The following SDK1 variants were observed in gnomAD, a reference collection of about 807,000 sequenced individuals.
The protein encoded by SDK1 is protein sidekick-1.
In SDK1, 157 loss-of-function variants were observed where a neutral mutation model predicts 245.5. The observed-to-expected ratio is 0.64, with a 90% CI of 0.56 to 0.73. The LOEUF is 0.73. SDK1 is among the 30% of genes least tolerant of loss of function. The probability of loss-of-function intolerance (pLI) is 0.00; values close to 1 mark genes in which losing one functional copy is unlikely to be tolerated. For missense variants in SDK1, 3,583 were observed against 3,002.3 expected, an observed-to-expected ratio of 1.19 and a Z score of -4.52; for synonymous variants, 1,647 against 1,278.5, an observed-to-expected ratio of 1.29 and a Z score of -6.15.
At chr7:4,007,712 C>T (rs1340042480) in intron 14 of SDK1, among the ~76,000 whole-genome samples, 1 of 152,114 alleles carries the variant, frequency 6.6e-6, no homozygotes, top group Non-Finnish European at 1.5e-5. Context: ...TTCAGCAATT[C>T]TCTGTCTCAG....
chr7:3,424,499 A>G (rs992901395), intron 1 of SDK1, among the ~76,000 whole-genome samples: 4 of 152,214 alleles, frequency 2.6e-5, no homozygotes, highest in African/African-American at 9.7e-5. Flanking sequence ...TTTTGGGAAG[A>G]AAAATGAGAA....
chr7:4,078,099 G>A (rs895748019), intron 21 of SDK1, among the ~76,000 whole-genome samples: 2 of 152,210 alleles, frequency 1.3e-5, no homozygotes. Flanking sequence ...ACAGAGTGGA[G>A]TGTTAGAGGG....
chr7:3,779,129 T>C (rs188703383), intron 4 of SDK1, among the ~76,000 whole-genome samples: 23 of 152,348 alleles, frequency 1.5e-4, no homozygotes, highest in African/African-American at 5.5e-4. Context: ...ATTATATTAT[T>C]TTAAATTGAT....
chr7:3,952,013 C>A, intron 7 of SDK1, 93 bp downstream of exon 7: 1 of 1,219,644 alleles, frequency 8.2e-7, no homozygotes, highest in Non-Finnish European at 1.1e-6. Flanking sequence ...ATTTCAGTGG[C>A]TTTATTTGTA....
At chr7:3,309,451 C>T (rs975225861) in intron 1 of SDK1, among the ~76,000 whole-genome samples, 5 of 148,560 alleles carry the variant, frequency 3.4e-5, no homozygotes, top group South Asian at 2.1e-4. Context: ...AAGAGCAAGG[C>T]GAGTTTATAA....
chr7:3,705,085 CTG>C (rs1784846863), intron 4 of SDK1, among the ~76,000 whole-genome samples: 2 of 152,096 alleles, frequency 1.3e-5, no homozygotes, highest in Admixed American at 1.3e-4. Context: ...GTTTTGGTAA[CTG>C]TAGTTTTGTA....
chr7:3,409,480 C>T (rs1779142945), intron 1 of SDK1, among the ~76,000 whole-genome samples: 1 of 152,112 alleles, frequency 6.6e-6, no homozygotes, highest in African/African-American at 2.4e-5. Context: ...TGAAGTGTTA[C>T]TGCTTCTATT....
intron 26 of SDK1, among the ~76,000 whole-genome samples, chr7:4,128,481 G>A (rs1024106959): frequency 5.3e-5 from 8 of 152,248 alleles, no homozygotes; most frequent in Admixed American, 2.6e-4. Flanking sequence ...CCAGGTCCCC[G>A]ATCTCAGGGA....
intron 40 of SDK1, among the ~76,000 whole-genome samples, chr7:4,222,634 C>A (rs959624980): frequency 6.6e-6 from 1 of 152,156 alleles, no homozygotes; most frequent in African/African-American, 2.4e-5. Flanking sequence ...AGTGCAGAAG[C>A]GTGAAAAAGC....
chr7:3,665,691 T>C lies in SDK1; in HGVS notation c.713+23586T>C, dbSNP rs1783508932. ...TTCGTGGTGACTGCAGGACATGTCG[T>C]GCCATTCATTGAGCATTGGTGCTTT... On this transcript the variant is annotated intron_variant, in intron 4 of 44. Coordinates refer to ENST00000404826, the MANE Select transcript of SDK1 (RefSeq NM_152744.4). 2.0e-5 allele frequency among the ~76,000 whole-genome samples: 3 copies of C among 152,200 alleles called. No homozygotes were observed. In the South Asian group the frequency reaches 6.2e-4, roughly 31 times the overall value.
intron 22 of SDK1, among the ~76,000 whole-genome samples, chr7:4,097,052 G>A (rs1782195557): frequency 6.6e-6 from 1 of 152,236 alleles, no homozygotes. Context: ...TTTCCCGGTA[G>A]AAACTGACTT....
At chr7:3,495,792 C>T (rs189360581) in intron 1 of SDK1, among the ~76,000 whole-genome samples, 34 of 152,380 alleles carry the variant, frequency 2.2e-4, no homozygotes, top group Non-Finnish European at 4.9e-4. Context: ...TCTACCACAG[C>T]TCTCTGCCTT....
At chr7:3,642,896 C>T (rs984069047) in intron 4 of SDK1, 10 of 152,196 alleles carry the variant, frequency 6.6e-5, no homozygotes, top group African/African-American at 2.2e-4. Context: ...GATATTTATG[C>T]CATCCAGTGG....
At chr7:4,199,093 G>A (rs575600327) in intron 35 of SDK1, among the ~76,000 whole-genome samples, 102 of 152,204 alleles carry the variant, frequency 6.7e-4, no homozygotes, top group Non-Finnish European at 1.4e-3. Context: ...GGGATTACAG[G>A]TGTGAGCCAG....
At chr7:3,925,508 T>C (rs1233780697) in intron 5 of SDK1, among the ~76,000 whole-genome samples, 2 of 152,166 alleles carry the variant, frequency 1.3e-5, no homozygotes, top group Admixed American at 1.3e-4. Flanking sequence ...ACTAAGCAGT[T>C]TTAATCCAGA....
At chr7:3,635,610 A>G (rs937767388) in intron 2 of SDK1, among the ~76,000 whole-genome samples, 5 of 152,258 alleles carry the variant, frequency 3.3e-5, no homozygotes, top group Non-Finnish European at 5.9e-5. Context: ...ATTGTGGACA[A>G]GTATTACTGG....
rs949596737 is a variant in SDK1, at chr7:3,397,077, A to G, written c.298+95193A>G. On this transcript the variant is annotated intron_variant, in intron 1 of 44. Coordinates refer to ENST00000404826, the MANE Select transcript of SDK1 (RefSeq NM_152744.4). ...TAACAAATAACTTAAAATTCAGTTC[A>G]GGTTAATCCTGGCATAATTTCAAAC... Among the ~76,000 whole-genome samples, 5 of 151,958 alleles carry G rather than the reference A, an allele frequency of 3.3e-5. No individual in the cohort carries two copies. In the South Asian group the frequency reaches 1.0e-3, roughly 32 times the overall value.
At chr7:4,237,199 T>C (rs935068397) in intron 41 of SDK1, among the ~76,000 whole-genome samples, 2 of 152,042 alleles carry the variant, frequency 1.3e-5, no homozygotes, top group African/African-American at 2.4e-5. Context: ...GCTGTTTTTT[T>C]GTTTTGTTTT....
chr7:4,145,491 C>T (rs1449188814), intron 28 of SDK1, among the ~76,000 whole-genome samples: 2 of 152,108 alleles, frequency 1.3e-5, no homozygotes, highest in African/African-American at 4.8e-5. Context: ...CGTGTTCACA[C>T]CTTGTTCTGG....
Sources: allele counts gnomAD v4.1 joint callset (sites outside exome capture counted in the v4.1 genomes callset), GRCh38; gene constraint gnomAD v4.1.1; transcripts MANE v1.5; gene names NCBI Gene and HGNC (gene_info 2026-07-23, HGNC 2026-07-21).